CSMD2: variants seen among roughly 807,000 people sequenced by gnomAD.
CSMD2 encodes CUB and sushi domain-containing protein 2.
A neutral mutation model predicts 398.5 loss-of-function variants in CSMD2; 130 were observed. The ratio of observed to expected loss-of-function variants is 0.33; its 90% CI spans 0.28 to 0.38. CSMD2 has a LOEUF of 0.38. Ranked by LOEUF, CSMD2 falls within the 10% of genes least tolerant of loss-of-function variation. The pLI is 1.00. For synonymous variants in CSMD2, 1,828 were observed against 1,908.5 expected, an observed-to-expected ratio of 0.96 and a Z score of 1.10; for missense variants, 3,829 against 4,764.9, an observed-to-expected ratio of 0.80 and a Z score of 5.78.
chr1:33,629,894 G>A (rs751088890), intron 32 of CSMD2, among the ~76,000 whole-genome samples: 3 of 151,828 alleles, frequency 2.0e-5, no homozygotes, highest in South Asian at 2.1e-4. Context: ...AGGCACCCAC[G>A]ACCATGCCCA....
chr1:33,788,580 G>T lies in CSMD2; in HGVS notation c.1663+20C>A, dbSNP rs773996670. On this transcript the variant is annotated intron_variant, in intron 12 of 70. Transcript: ENST00000373381. ...CTGACTCCCAGGACACAGTTCATCT[G>T]GCTTGCCAAAAGCAGTTACCTTCAT... is the stretch of plus-strand genomic sequence containing the variant. The T allele has an allele frequency of 7.3e-7, 1 of 1,378,004 alleles. No individual in the cohort carries two copies. The highest frequency in any genetic ancestry group is 2.3e-5 in the East Asian group (1 of 43,770). The allele number at this position is 1,378,004 out of a possible 1,614,324, so 85.4% of individuals were successfully genotyped here. A position where few individuals can be genotyped will look rare whatever the true frequency, so the allele number is the denominator to read the frequency against.
At chr1:33,880,124 A>T (rs1018526985) in intron 5 of CSMD2, among the ~76,000 whole-genome samples, 1 of 152,180 alleles carries the variant, frequency 6.6e-6, no homozygotes, top group Non-Finnish European at 1.5e-5. Context: ...GAGACCAAAA[A>T]TGATGATTTA....
In CSMD2 at chr1:33,617,168, C is replaced by T. The variant is rs547903656; in HGVS notation, c.5947-193G>A. Among the ~76,000 whole-genome samples the T allele has an allele frequency of 4.6e-5, 7 of 152,312 alleles. No individual in the cohort carries two copies. The South Asian group carries it at 1.0e-3, about 23-fold the overall frequency. On this transcript the variant is annotated intron_variant, in intron 38 of 70. Coordinates refer to ENST00000373381, the MANE Select transcript of CSMD2 (RefSeq NM_001281956.2). ...TTTGGGGAAGGACAATTATTAACAACGATTACTAAAGAATTCTCATTATTA... is the reference window on the plus strand; with the variant it reads ...TTTGGGGAAGGACAATTATTAACAATGATTACTAAAGAATTCTCATTATTA...
In CSMD2 at chr1:33,571,717, C is replaced by A; in HGVS notation, c.7772G>T (p.Cys2591Phe). The change falls in exon 51 of 71, where the codon TGT becomes TTT. Residue 2591 changes from cysteine to phenylalanine, a missense_variant. By Grantham distance (205) the Cys-to-Phe change is radical. This residue lies in a region of CSMD2 where 723 missense variants were observed against 758.6 expected (regional missense o/e 0.95). Transcript: ENST00000373381. Reference sequence around the variant, plus strand: ...CACGCTGATGCTACTGACATCAGGACAAGTCACAGCTGGGGAAATGAGGAA... The same window carrying A: ...CACGCTGATGCTACTGACATCAGGAAAAGTCACAGCTGGGGAAATGAGGAA... ...NVPPQCVPVT[C>F]PDVSSISVEH... 6.7e-7 allele frequency: 1 copy of A among 1,486,718 alleles called. No individual in the cohort carries two copies. Among genetic ancestry groups the A allele is most frequent in the Non-Finnish European group, 9.1e-7 (1 of 1,103,740 alleles). The allele number at this position is 1,486,718 out of a possible 1,614,324, so 92.1% of individuals were successfully genotyped here. A position where few individuals can be genotyped will look rare whatever the true frequency, so the allele number is the denominator to read the frequency against.
chr1:33,847,548 T>C lies in CSMD2; in HGVS notation c.921-552A>G, dbSNP rs186837595. ...AGCCCTAAGAGTTTGTAGGAATAAGTAAGAAATCTTACGCACAAAGAATCG... is the reference window on the plus strand; with the variant it reads ...AGCCCTAAGAGTTTGTAGGAATAAGCAAGAAATCTTACGCACAAAGAATCG... On this transcript the variant is annotated intron_variant, in intron 5 of 70. Transcript: ENST00000373381. Among the ~76,000 whole-genome samples, 521 of 152,100 alleles carry C rather than the reference T, an allele frequency of 3.4e-3. 5 individuals carry two copies. The highest frequency in any genetic ancestry group is 0.012 in the African/African-American group (503 of 41,522).
rs1200734480 is a variant in CSMD2 at position 33,714,712 on chromosome 1, T to C, written c.3281A>G (p.Gln1094Arg). 1.2e-6 allele frequency: 2 copies of C among 1,614,064 alleles called. No homozygotes were observed. The highest frequency in any genetic ancestry group is 1.1e-5 in the South Asian group (1 of 91,076). ...VPAYSIRKGLQFGVGDTLTFS... is the reference protein window; with the variant it reads ...VPAYSIRKGLRFGVGDTLTFS... The stretch of plus-strand genomic sequence containing the variant: ...GGTCAAGGTGTCGCCCACGCCAAAC[T>C]GCAAGCCCTTCCGGATGCTGTAGGC... The change falls in exon 21 of 71, where the codon CAG (glutamine) becomes CGG (arginine). Residue 1094 changes from glutamine to arginine, a missense_variant. By Grantham distance (43) the Gln-to-Arg change is conservative. Transcript: ENST00000373381.
chr1:33,550,400 C>G, intron 55 of CSMD2, 50 bp from the exon 56 acceptor site: 1 of 1,560,934 alleles, frequency 6.4e-7, no homozygotes, highest in Non-Finnish European at 8.8e-7. Context: ...GGATGGCTCA[C>G]CATCACACAA....
chr1:33,990,243 G>A (rs1646504053), intron 3 of CSMD2, among the ~76,000 whole-genome samples: 1 of 152,144 alleles, frequency 6.6e-6, no homozygotes, highest in African/African-American at 2.4e-5. Flanking sequence ...CTGCACTCCA[G>A]CCTGGACGAC....
rs750527237 is a variant in CSMD2, at chr1:33,523,348, T to C, written c.10468A>G (p.Met3490Val). The C allele has an allele frequency of 1.2e-5, 20 of 1,601,512 alleles. No homozygotes were observed. The highest frequency in any genetic ancestry group is 1.6e-5 in the Non-Finnish European group (19 of 1,168,948). Residue 3490 changes from methionine (M) to valine (V), a missense_variant, in exon 67 of 71, where the codon ATG becomes GTG. By Grantham distance (21) the Met-to-Val change is conservative (BLOSUM62 1). Around this residue, in one of 5 missense-constraint regions of CSMD2, gnomAD observed 917 missense variants for 1,199.5 expected, o/e 0.76. Coordinates refer to ENST00000373381, the MANE Select transcript of CSMD2 (RefSeq NM_001281956.2). ...CAGTGATCATCTTTGAACTTATTCA[T>C]AAAGATCTCCACAGGCCCTGTAATC... The part of the protein sequence containing the change: ...YQITGPVEIF[M>V]NKFKDDHWAL...
chr1:34,111,982 TTCTCTC>T (rs6143186), intron 1 of CSMD2, among the ~76,000 whole-genome samples: 2,255 of 149,758 alleles, frequency 0.015, 55 homozygotes, highest in African/African-American at 0.052. Context: ...TTCTTTCAAA[TTCTCTC>T]TCTCTCTCTC....
At chr1:33,638,451 C>T (rs1642929316) in intron 29 of CSMD2, among the ~76,000 whole-genome samples, 1 of 152,232 alleles carries the variant, frequency 6.6e-6, no homozygotes, top group African/African-American at 2.4e-5. Context: ...CCACTTTCCC[C>T]ACCTTCATCC....
chr1:33,600,185 T>A, intron 44 of CSMD2: 1 of 716,074 alleles, frequency 1.4e-6, no homozygotes, highest in Non-Finnish European at 2.6e-6. Context: ...TGGCCCAAGG[T>A]GGAGCTGGGA....
chr1:33,602,447 G>C lies in CSMD2; in HGVS notation c.6632C>G (p.Thr2211Ser), dbSNP rs754120837. The C allele has an allele frequency of 6.2e-7, 1 of 1,614,056 alleles. No homozygotes were observed. The highest frequency in any genetic ancestry group is 1.7e-5 in the Admixed American group (1 of 60,028). ...GCGGACGCCATGGCCAATGGGCACG[G>C]TGATCAGCCAGACACAGTCCTGGGA... ...SSSQDCVWLI[T>S]VPIGHGVRLN... The change falls in exon 43 of 71, where the codon ACC becomes AGC. Residue 2211 changes from threonine to serine, a missense_variant. Thr to Ser is a moderately conservative substitution (Grantham distance 58). Around this residue, in one of 5 missense-constraint regions of CSMD2, gnomAD observed 723 missense variants for 758.6 expected, o/e 0.95. Coordinates refer to ENST00000373381, the MANE Select transcript of CSMD2 (RefSeq NM_001281956.2).
chr1:33,538,081 C>T (rs1463624150), intron 60 of CSMD2, among the ~76,000 whole-genome samples: 1 of 152,202 alleles, frequency 6.6e-6, no homozygotes, highest in Admixed American at 6.5e-5. Flanking sequence ...ACACAATTAG[C>T]AACAGGTGGT....
In CSMD2 at chr1:33,724,231, G is replaced by A. The variant is rs146958735; in HGVS notation, c.2967C>T (p.Asn989=). 7,093 of 1,613,828 alleles carry A rather than the reference G, an allele frequency of 4.4e-3. 74 individuals carry two copies. The highest frequency in any genetic ancestry group is 0.023 in the South Asian group (2,090 of 91,054). ...GFPDFYPNNL[N]CTWIIETSHG... Reference sequence around the variant, plus strand: ...GAGATGTTTCGATAATCCAGGTGCAGTTCAAGTTGTTGGGGTAGAAGTCAG... The same window carrying A: ...GAGATGTTTCGATAATCCAGGTGCAATTCAAGTTGTTGGGGTAGAAGTCAG... Residue 989 remains asparagine, a synonymous_variant, in exon 19 of 71, where the codon AAC becomes AAT. Transcript: ENST00000373381.
chr1:34,040,373 C>A (rs1651712439), intron 2 of CSMD2, among the ~76,000 whole-genome samples: 1 of 152,252 alleles, frequency 6.6e-6, no homozygotes, highest in South Asian at 2.1e-4. Flanking sequence ...ATGATTAGTA[C>A]ACAGAGTATA....
chr1:33,680,084 C>T (rs1426732422), intron 25 of CSMD2, among the ~76,000 whole-genome samples: 1 of 147,722 alleles, frequency 6.8e-6, no homozygotes, highest in East Asian at 2.0e-4. Context: ...CCACGCCTGG[C>T]TAATTTTTTA....
chr1:34,066,835 G>T (rs982670610), intron 2 of CSMD2, among the ~76,000 whole-genome samples: 1 of 152,206 alleles, frequency 6.6e-6, no homozygotes, highest in African/African-American at 2.4e-5. Context: ...TGGGCTTGGG[G>T]TCTGCAGGAC....
At chr1:33,983,317 G>A (rs1411795899) in intron 3 of CSMD2, among the ~76,000 whole-genome samples, 3 of 152,186 alleles carry the variant, frequency 2.0e-5, no homozygotes, top group Non-Finnish European at 4.4e-5. Context: ...CAATGCAGCA[G>A]GTCTAATCAC....
Sources: gnomAD v4.1 joint callset for allele counts (sites outside exome capture counted in the v4.1 genomes callset) on GRCh38, gnomAD v4.1.1 for gene constraint, gnomAD v4.1.1 regional missense constraint, MANE v1.5 for transcripts, NCBI Gene and HGNC (gene_info 2026-07-23, HGNC 2026-07-21) for gene names.